The following TRA2A variants were observed in gnomAD, a reference collection of about 807,000 sequenced individuals.
The protein encoded by TRA2A is transformer 2 alpha homolog, also known as transformer-2 protein homolog alpha.
In TRA2A, 31 loss-of-function variants were observed where a neutral mutation model predicts 45.7. That is an observed-to-expected ratio of 0.68 (90% CI 0.51 to 0.92). The LOEUF is 0.92. Ranked by LOEUF, TRA2A falls within the 40% of genes least tolerant of loss-of-function variation. The pLI, the probability that TRA2A is intolerant of heterozygous loss-of-function variation, is 0.00. For missense variants in TRA2A, 304 were observed against 367.5 expected (o/e 0.83, Z 1.41); for synonymous variants, 132 against 126.2 (o/e 1.05, Z -0.31).
chr7:23,514,796 T>A (rs1280160645), intron 3 of TRA2A, among the ~76,000 whole-genome samples: 1 of 152,196 alleles, frequency 6.6e-6, no homozygotes, highest in East Asian at 1.9e-4. Context: ...TCTTTCAGTG[T>A]TCCCACAATC....
chr7:23,508,150 G>A (rs1214937470), intron 4 of TRA2A, among the ~76,000 whole-genome samples: 2 of 151,772 alleles, frequency 1.3e-5, no homozygotes, highest in African/African-American at 2.4e-5. Context: ...CAAATTTATC[G>A]TAATGCCTTT....
At chr7:23,531,170 C>A in intron 1 of TRA2A, 2 of 980,038 alleles carry the variant, frequency 2.0e-6, no homozygotes, top group Non-Finnish European at 1.2e-6. Context: ...TCGGTGCGGT[C>A]GTTGACTAAC....
At chr7:23,519,660 G>A (rs944706403) in intron 2 of TRA2A, among the ~76,000 whole-genome samples, 3 of 151,958 alleles carry the variant, frequency 2.0e-5, no homozygotes, top group Non-Finnish European at 4.4e-5. Context: ...TTCCCTACTT[G>A]AACCAGATCA....
chr7:23,528,120 G>T (rs943145823), intron 1 of TRA2A, among the ~76,000 whole-genome samples: 3 of 152,082 alleles, frequency 2.0e-5, no homozygotes, highest in African/African-American at 7.2e-5. Flanking sequence ...TGCTAAAGAC[G>T]CTGAATAAGC....
At chr7:23,524,792 A>G (rs1790274417) in intron 1 of TRA2A, among the ~76,000 whole-genome samples, 1 of 151,984 alleles carries the variant, frequency 6.6e-6, no homozygotes, top group South Asian at 2.1e-4. Flanking sequence ...CCCGGATTCA[A>G]GCGATTCTCC....
intron 4 of TRA2A, among the ~76,000 whole-genome samples, chr7:23,512,660 G>A (rs1348939529): frequency 2.6e-5 from 4 of 151,788 alleles, no homozygotes; most frequent in East Asian, 1.9e-4. Context: ...GGGTTTCACC[G>A]TGTTAGCCAG....
chr7:23,526,166 A>T (rs980576462), intron 1 of TRA2A, among the ~76,000 whole-genome samples: 1 of 152,242 alleles, frequency 6.6e-6, no homozygotes, highest in Admixed American at 6.5e-5. Flanking sequence ...CAATTCCTAC[A>T]GCAAGCAATA....
At chr7:23,527,548 G>A (rs998593194) in intron 1 of TRA2A, among the ~76,000 whole-genome samples, 3 of 152,200 alleles carry the variant, frequency 2.0e-5, no homozygotes, top group African/African-American at 7.2e-5. Flanking sequence ...TGCCAGTCAA[G>A]TTCTAGGAAA....
At chr7:23,520,858 A>G (rs1483379600) in intron 2 of TRA2A, among the ~76,000 whole-genome samples, 5 of 151,926 alleles carry the variant, frequency 3.3e-5, no homozygotes, top group Non-Finnish European at 5.9e-5. Context: ...CCGCCCAGCT[A>G]ATTTTTGTAT....
chr7:23,515,830 G>A (rs942904311), intron 3 of TRA2A, among the ~76,000 whole-genome samples: 1 of 151,504 alleles, frequency 6.6e-6, no homozygotes, highest in Non-Finnish European at 1.5e-5. Flanking sequence ...ACAGGTGTGA[G>A]CCACCACGCC....
intron 1 of TRA2A, among the ~76,000 whole-genome samples, chr7:23,523,002 A>G (rs191005461): frequency 6.6e-6 from 1 of 152,198 alleles, no homozygotes; most frequent in South Asian, 2.1e-4. Flanking sequence ...GACTTAAAAT[A>G]TGTTCTGAAG....
At position 23,504,949 on chromosome 7, in the gene TRA2A, G is replaced by C. The variant is rs1789246399; in HGVS notation, c.*610C>G. On this transcript the variant is annotated 3_prime_UTR_variant, in exon 8 of 8. Coordinates refer to ENST00000297071, the MANE Select transcript of TRA2A (RefSeq NM_013293.5). ...ATAAGGGTTGTCCTTCACTGATTAA[G>C]GGAATAAACTTCAATAAACTTAACA... 1 of 152,508 alleles carries C rather than the reference G, an allele frequency of 6.6e-6. No homozygotes were observed. The highest frequency in any genetic ancestry group is 1.5e-5 in the Non-Finnish European group (1 of 68,050). The allele number at this position is 152,508 out of a possible 1,614,324, so 9.4% of individuals were successfully genotyped here.
At chr7:23,528,461 C>T (rs558777782) in intron 1 of TRA2A, among the ~76,000 whole-genome samples, 9 of 152,330 alleles carry the variant, frequency 5.9e-5, no homozygotes, top group Middle Eastern at 3.4e-3. Context: ...CCGCCTCAGC[C>T]TCCCAAAGCG....
chr7:23,516,545 T>G lies in TRA2A; in HGVS notation c.171-17A>C. Reference sequence around the variant, plus strand: ...GACCTCGACCTTTGAGAGAAATACATTTAGGTAAAAATACTGAAACAAAAT... The same window carrying G: ...GACCTCGACCTTTGAGAGAAATACAGTTAGGTAAAAATACTGAAACAAAAT... On this transcript the variant is annotated splice_polypyrimidine_tract_variant and intron_variant, in intron 2 of 7. Transcript: ENST00000297071. 8 of 1,612,840 alleles carry G rather than the reference T, an allele frequency of 5.0e-6. No individual in the cohort carries two copies. Among genetic ancestry groups the G allele is most frequent in the Non-Finnish European group, 6.8e-6 (8 of 1,178,972 alleles).
At chr7:23,511,170 G>A (rs1183686513) in intron 4 of TRA2A, among the ~76,000 whole-genome samples, 1 of 151,770 alleles carries the variant, frequency 6.6e-6, no homozygotes, top group African/African-American at 2.4e-5. Context: ...AGGAGATTGA[G>A]ATCATCCTGG....
At chr7:23,506,454 C>G in intron 5 of TRA2A, 188 bp from the exon 6 acceptor site, 1 of 552,230 alleles carries the variant, frequency 1.8e-6, no homozygotes, top group Non-Finnish European at 2.9e-6. Flanking sequence ...CATACATAAT[C>G]AAGAAGGGCT....
chr7:23,531,693 G>A (rs781603514), intron 1 of TRA2A, 96 bp downstream of exon 1: 6 of 1,399,514 alleles, frequency 4.3e-6, no homozygotes, highest in Middle Eastern at 1.8e-4. Context: ...GTTGCTCCTC[G>A]CGGGACTACC....
At chr7:23,505,694 G>T in intron 7 of TRA2A, 52 bp downstream of exon 7, 2 of 1,171,970 alleles carry the variant, frequency 1.7e-6, no homozygotes, top group Non-Finnish European at 2.4e-6. Context: ...TCTAAAGTAA[G>T]CCATTAATTA....
At chr7:23,518,491 G>A (rs1383170289) in intron 2 of TRA2A, among the ~76,000 whole-genome samples, 1 of 150,814 alleles carries the variant, frequency 6.6e-6, no homozygotes, top group Non-Finnish European at 1.5e-5. Flanking sequence ...ACAGGCACTT[G>A]CCAGCATGCC....
Sources: gnomAD v4.1 joint callset for allele counts (sites outside exome capture counted in the v4.1 genomes callset) on GRCh38, gnomAD v4.1.1 for gene constraint, MANE v1.5 for transcripts, NCBI Gene and HGNC (gene_info 2026-07-23, HGNC 2026-07-21) for gene names.